Variants in USPL1 observed in about 807,000 individuals in gnomAD.
USPL1 encodes the protein SUMO-specific isopeptidase USPL1.
Under a neutral mutation model 51.5 loss-of-function variants are expected in USPL1, and 27 were observed. The ratio of observed to expected loss-of-function variants is 0.52; its 90% CI spans 0.39 to 0.72. USPL1 has a LOEUF of 0.72. USPL1 is among the 30% of genes least tolerant of loss of function. The pLI, the probability that USPL1 is intolerant of heterozygous loss-of-function variation, is 0.00. For missense variants in USPL1, 1,226 were observed against 1,268.0 expected (o/e 0.97, Z 0.50); for synonymous variants, 451 against 459.6 (o/e 0.98, Z 0.24).
intron 3 of USPL1, among the ~76,000 whole-genome samples, chr13:30,629,710 T>G (rs1014201251): frequency 6.6e-6 from 1 of 152,132 alleles, no homozygotes; most frequent in Admixed American, 6.5e-5. Context: ...CTTCACAGTG[T>G]GATAGCTGGG....
chr13:30,628,629 A>G (rs899050254), intron 3 of USPL1, among the ~76,000 whole-genome samples: 5 of 152,174 alleles, frequency 3.3e-5, no homozygotes, highest in Admixed American at 2.0e-4. Flanking sequence ...ACGAGTGAGA[A>G]CATGCGGTGT....
intron 1 of USPL1, among the ~76,000 whole-genome samples, chr13:30,619,278 G>A (rs1356730190): frequency 6.6e-6 from 1 of 152,138 alleles, no homozygotes; most frequent in Non-Finnish European, 1.5e-5. Context: ...TCCCTCATAT[G>A]GACAAATAAA....
Position 30,621,890 on chromosome 13 carries a change from C to T in USPL1, c.226C>T (p.Gln76Ter). 3 of 1,540,740 alleles carry T rather than the reference C, an allele frequency of 1.9e-6. No individual in the cohort carries two copies. Among genetic ancestry groups the T allele is most frequent in the South Asian group, 2.5e-5 (2 of 78,522 alleles). The change falls in exon 3 of 9, where the codon CAG becomes TAG. Residue 76 changes from glutamine to a stop codon, truncating the protein, a stop_gained and splice_region_variant. Transcript: ENST00000255304. LOFTEE classifies it high-confidence loss of function. ...QESIFLCEDL[Q>*]CIYPLGSKSL... ...ATCTATCTTTTTGTGTGAGGATCTG[C>T]AGGTAAAGTATTAATCTTATATAGT...
At chr13:30,635,039 G>A (rs943735666) in intron 4 of USPL1, among the ~76,000 whole-genome samples, 11 of 152,066 alleles carry the variant, frequency 7.2e-5, no homozygotes, top group Admixed American at 2.0e-4. Flanking sequence ...TGATTGTCAC[G>A]TTTTAATTGA....
chr13:30,621,032 T>G, intron 1 of USPL1, 41 bp from the exon 2 acceptor site: 1 of 854,096 alleles, frequency 1.2e-6, no homozygotes, highest in Non-Finnish European at 1.8e-6. Context: ...TTATAGTAAA[T>G]AGAATTTTTA....
In USPL1 at chr13:30,660,717, A is replaced by G. The variant is rs1336060493; in HGVS notation, c.*1361A>G. On this transcript the variant is annotated 3_prime_UTR_variant, in exon 9 of 9. Coordinates refer to ENST00000255304, the MANE Select transcript of USPL1 (RefSeq NM_005800.5). ...CAAGAAACCTTGTTACTTGAACTTTAGTAATGTTAAGTGATCAATAAATCT... is the reference window on the plus strand; with the variant it reads ...CAAGAAACCTTGTTACTTGAACTTTGGTAATGTTAAGTGATCAATAAATCT... 1 of 152,260 alleles carries G rather than the reference A, an allele frequency of 6.6e-6. No individual in the cohort carries two copies. The highest frequency in any genetic ancestry group is 1.5e-5 in the Non-Finnish European group (1 of 68,050). The allele number at this position is 152,260 out of a possible 1,614,324, so 9.4% of individuals were successfully genotyped here.
intron 3 of USPL1, among the ~76,000 whole-genome samples, chr13:30,625,522 C>T (rs1266472310): frequency 3.3e-5 from 5 of 150,130 alleles, no homozygotes; most frequent in Non-Finnish European, 5.9e-5. Context: ...CTCGGCTCAC[C>T]GCAACCTCCG....
chr13:30,657,093 T>C (rs2137726927), intron 8 of USPL1, among the ~76,000 whole-genome samples: 1 of 152,362 alleles, frequency 6.6e-6, no homozygotes, highest in South Asian at 2.1e-4. Flanking sequence ...GTTTTTAAAC[T>C]CTTCCCTTGT....
At chr13:30,618,956 GA>G (rs1950610110) in intron 1 of USPL1, among the ~76,000 whole-genome samples, 4 of 152,196 alleles carry the variant, frequency 2.6e-5, no homozygotes, top group African/African-American at 9.7e-5. Context: ...CAGTGATATG[GA>G]AGGGAAAGAG....
intron 4 of USPL1, among the ~76,000 whole-genome samples, chr13:30,634,778 A>T (rs1237403709): frequency 6.6e-6 from 1 of 152,176 alleles, no homozygotes; most frequent in Non-Finnish European, 1.5e-5. Context: ...TTGTTTTCCA[A>T]AGTGGTTGTA....
intron 6 of USPL1, among the ~76,000 whole-genome samples, chr13:30,646,247 T>G (rs1307016672): frequency 6.6e-6 from 1 of 152,240 alleles, no homozygotes; most frequent in East Asian, 1.9e-4. Context: ...TTAAAGGTCA[T>G]CTTTTTAGAT....
chr13:30,652,455 T>C (rs954636562), intron 7 of USPL1, among the ~76,000 whole-genome samples: 5 of 152,248 alleles, frequency 3.3e-5, no homozygotes, highest in African/African-American at 1.2e-4. Flanking sequence ...TCTTACATCC[T>C]GAGAGCTTTG....
At chr13:30,640,653 G>C (rs1010542870) in intron 5 of USPL1, among the ~76,000 whole-genome samples, 12 of 152,138 alleles carry the variant, frequency 7.9e-5, no homozygotes. Context: ...TTGCGCCATT[G>C]CACTCCAACC....
intron 3 of USPL1, among the ~76,000 whole-genome samples, chr13:30,627,698 T>TA (rs1950738592): frequency 6.6e-6 from 1 of 152,058 alleles, no homozygotes; most frequent in Non-Finnish European, 1.5e-5. Context: ...TTTTAAATTG[T>TA]AAAAAAATTC....
chr13:30,653,135 T>C lies in USPL1; in HGVS notation c.1239-13T>C. 1 of 1,553,808 alleles carries C rather than the reference T, an allele frequency of 6.4e-7. No individual in the cohort carries two copies. Among genetic ancestry groups the C allele is most frequent in the Non-Finnish European group, 8.7e-7 (1 of 1,145,110 alleles). On this transcript the variant is annotated splice_polypyrimidine_tract_variant and intron_variant, in intron 7 of 8. Transcript: ENST00000255304. ...TAAATTTATTTAACTTCTCTTGCTT[T>C]TCTCTCCCACAGAGTATCTCCCATA...
chr13:30,633,260 A>G (rs951066547), intron 4 of USPL1, among the ~76,000 whole-genome samples: 1 of 152,166 alleles, frequency 6.6e-6, no homozygotes, highest in African/African-American at 2.4e-5. Context: ...ATTAGTTTTA[A>G]TCTTACTATG....
intron 5 of USPL1, among the ~76,000 whole-genome samples, chr13:30,641,522 G>A (rs146818668): frequency 2.3e-4 from 35 of 152,336 alleles, no homozygotes; most frequent in Non-Finnish European, 2.6e-4. Flanking sequence ...GGGCCAAATC[G>A]GTAAGGCAGC....
chr13:30,625,444 G>GTTTTT (rs926283215), intron 3 of USPL1, among the ~76,000 whole-genome samples: 21 of 118,932 alleles, frequency 1.8e-4, no homozygotes, highest in East Asian at 2.3e-4. Context: ...TTTGTTTTTT[G>GTTTTT]TTTTTTTTTT....
At chr13:30,628,562 C>T (rs1012818759) in intron 3 of USPL1, among the ~76,000 whole-genome samples, 3 of 152,072 alleles carry the variant, frequency 2.0e-5, no homozygotes, top group Non-Finnish European at 4.4e-5. Flanking sequence ...CGACAGGCCC[C>T]GGTGTGTGAT....
Sources: allele counts gnomAD v4.1 joint callset (sites outside exome capture counted in the v4.1 genomes callset), GRCh38; gene constraint gnomAD v4.1.1; transcripts MANE v1.5; gene names NCBI Gene and HGNC (gene_info 2026-07-23, HGNC 2026-07-21).